The following NT5M variants were observed in gnomAD, a reference collection of about 807,000 sequenced individuals.
The protein encoded by NT5M is 5'(3')-deoxyribonucleotidase, mitochondrial.
NT5M carries 22 observed loss-of-function variants against 22.2 expected under a neutral mutation model. The observed-to-expected ratio is 0.99, with a 90% CI of 0.71 to 1.41. The LOEUF is 1.41. Among genes scored for constraint, NT5M ranks in the 40% most tolerant of loss-of-function variants. The pLI, the probability that NT5M is intolerant of heterozygous loss-of-function variation, is 0.00. For synonymous variants in NT5M, 167 were observed against 133.0 expected (o/e 1.26, Z -1.76); for missense variants, 322 against 314.8 (o/e 1.02, Z -0.17).
intron 3 of NT5M, among the ~76,000 whole-genome samples, chr17:17,336,415 A>G (rs1208785096): frequency 1.3e-5 from 2 of 151,960 alleles, no homozygotes; most frequent in Admixed American, 1.3e-4. Context: ...CATGAGTTCA[A>G]TTGTTTTAAT....
intron 3 of NT5M, among the ~76,000 whole-genome samples, chr17:17,340,566 G>A (rs997263029): frequency 3.3e-5 from 5 of 149,796 alleles, no homozygotes; most frequent in East Asian, 2.0e-4. Flanking sequence ...TTGCTCTGTC[G>A]CCCAGGCTGG....
chr17:17,336,263 A>G (rs2049509478), intron 3 of NT5M, among the ~76,000 whole-genome samples: 1 of 151,896 alleles, frequency 6.6e-6, no homozygotes, highest in Non-Finnish European at 1.5e-5. Context: ...TGGCCTCCCA[A>G]AGTGCTGGGA....
chr17:17,320,198 G>A lies in NT5M; in HGVS notation c.369-2987G>A, dbSNP rs530217908. Among the ~76,000 whole-genome samples the A allele has an allele frequency of 1.4e-4, 22 of 152,268 alleles. No homozygotes were observed. In the South Asian group the frequency reaches 4.1e-3, roughly 29 times the overall value. ...GAATTGTACCCTTTTAATATGTGCA[G>A]TTTATTGCATGTTGATTATTATATT... On this transcript the variant is annotated intron_variant, in intron 2 of 4. Transcript: ENST00000389022.
intron 2 of NT5M, among the ~76,000 whole-genome samples, chr17:17,321,476 C>G (rs1009068344): frequency 6.6e-6 from 1 of 151,742 alleles, no homozygotes; most frequent in African/African-American, 2.4e-5. Context: ...GGTGAGTCTC[C>G]AGATCCATGA....
chr17:17,345,535 C>CTA (rs1435308153), intron 4 of NT5M, among the ~76,000 whole-genome samples: 1 of 151,726 alleles, frequency 6.6e-6, no homozygotes, highest in African/African-American at 2.4e-5. Flanking sequence ...GTGGTGCATG[C>CTA]CTGTAGTCCC....
chr17:17,334,431 C>G (rs894140194), intron 3 of NT5M, among the ~76,000 whole-genome samples: 5 of 149,170 alleles, frequency 3.4e-5, no homozygotes, highest in Admixed American at 2.7e-4. Flanking sequence ...CTTCTCTGAT[C>G]TAAGTGTCCC....
chr17:17,344,797 G>A lies in NT5M; in HGVS notation c.433G>A (p.Ala145Thr), dbSNP rs1283777142. Reference protein sequence around the residue: ...MFKYCPYEKYAWVEKYFGPDF... With the variant: ...MFKYCPYEKYTWVEKYFGPDF... ...GCCCTTGCCTGTTTGCGTCCAGTAT[G>A]CCTGGGTGGAGAAGTACTTTGGCCC... The change falls in exon 4 of 5, where the codon GCC (alanine) becomes ACC (threonine). Residue 145 changes from alanine (A) to threonine (T), a missense_variant. Transcript: ENST00000389022. 2.6e-5 allele frequency: 42 copies of A among 1,613,956 alleles called. No homozygotes were observed. Among genetic ancestry groups the A allele is most frequent in the Non-Finnish European group, 3.6e-5 (42 of 1,179,942 alleles).
At chr17:17,319,664 T>C (rs2049109798) in intron 2 of NT5M, among the ~76,000 whole-genome samples, 1 of 152,006 alleles carries the variant, frequency 6.6e-6, no homozygotes, top group Non-Finnish European at 1.5e-5. Flanking sequence ...GAAAATACTA[T>C]CCAATCTGTA....
At chr17:17,338,544 C>T (rs1368408168) in intron 3 of NT5M, among the ~76,000 whole-genome samples, 3 of 152,026 alleles carry the variant, frequency 2.0e-5, no homozygotes, top group Non-Finnish European at 2.9e-5. Flanking sequence ...ATGCCAGTAA[C>T]ATGCCATTTG....
At position 17,303,808 on chromosome 17, in the gene NT5M, A is replaced by C. The variant is rs1307393552; in HGVS notation, c.258A>C (p.Pro86=). The C allele has an allele frequency of 6.6e-7, 1 of 1,508,140 alleles. No homozygotes were observed. The highest frequency in any genetic ancestry group is 2.6e-5 in the East Asian group (1 of 37,810). The allele number at this position is 1,508,140 out of a possible 1,614,324, so 93.4% of individuals were successfully genotyped here. A position where few individuals can be genotyped will look rare whatever the true frequency, so the allele number is the denominator to read the frequency against. Reference sequence around the variant, plus strand: ...CGGAGCAGTACGGCCGCCTGCGGCCAGGGCTGAGCGTGAGCGTCCCCGCCC... The same window carrying C: ...CGGAGCAGTACGGCCGCCTGCGGCCCGGGCTGAGCGTGAGCGTCCCCGCCC... ...WVSEQYGRLR[P]GLSEKAISIW... is the part of the protein sequence containing the mutation. Residue 86 remains proline, a synonymous_variant, in exon 1 of 5, where the codon CCA becomes CCC. Transcript: ENST00000389022.
In NT5M at chr17:17,303,830, G is replaced by T. The variant is rs756062197; in HGVS notation, c.267+13G>T. 2.2e-6 allele frequency: 3 copies of T among 1,381,688 alleles called. No homozygotes were observed. The highest frequency in any genetic ancestry group is 3.1e-5 in the South Asian group (2 of 64,096). 85.6% of individuals were successfully genotyped at this position (1,381,688 alleles called of 1,614,324 possible). A position where few individuals can be genotyped will look rare whatever the true frequency, so the allele number is the denominator to read the frequency against. On this transcript the variant is annotated intron_variant, in intron 1 of 4. Coordinates refer to ENST00000389022, the MANE Select transcript of NT5M (RefSeq NM_020201.4). ...GCCAGGGCTGAGCGTGAGCGTCCCC[G>T]CCCCGCCCCGCGCCGGGCCTCCTTC...
chr17:17,329,226 C>A (rs57593626), intron 3 of NT5M, among the ~76,000 whole-genome samples: 2,964 of 152,294 alleles, frequency 0.019, 99 homozygotes, highest in African/African-American at 0.068. Flanking sequence ...GATCTGCCCG[C>A]CTCGGCCTCC....
chr17:17,317,999 A>G (rs1394584288), intron 2 of NT5M, among the ~76,000 whole-genome samples: 1 of 88,062 alleles, frequency 1.1e-5, no homozygotes, highest in Non-Finnish European at 2.9e-5. Flanking sequence ...ACATAGACTC[A>G]CTGTATGAGC....
chr17:17,314,481 C>T (rs2048983018), intron 2 of NT5M, among the ~76,000 whole-genome samples: 1 of 152,152 alleles, frequency 6.6e-6, no homozygotes, highest in African/African-American at 2.4e-5. Context: ...TTTTGAAGTG[C>T]ACCCCCCTAC....
rs2048724035 is a variant in NT5M at position 17,303,511 on chromosome 17, CCCAGGTCCCCGCGCCCACGACGGG to C, written c.-35_-12del. ...GGCCGGCTCCGGCAGCACGGCGCGG[CCCAGGTCCCCGCGCCCACGACGGG>C]CCAGCGCGCTGGGCCATGATCCGGC... On this transcript the variant is annotated 5_prime_UTR_variant, in exon 1 of 5. Transcript: ENST00000389022. 9.7e-7 allele frequency: 1 copy of C among 1,026,346 alleles called. No homozygotes were observed. Among genetic ancestry groups the C allele is most frequent in the African/African-American group, 1.7e-5 (1 of 57,854 alleles). The allele number at this position is 1,026,346 out of a possible 1,614,324, so 63.6% of individuals were successfully genotyped here.
At chr17:17,338,836 C>T (rs2049580019) in intron 3 of NT5M, among the ~76,000 whole-genome samples, 1 of 150,850 alleles carries the variant, frequency 6.6e-6, no homozygotes, top group African/African-American at 2.4e-5. Flanking sequence ...ACACCGTTCT[C>T]CTGCCTCAGC....
intron 2 of NT5M, among the ~76,000 whole-genome samples, chr17:17,315,337 C>T (rs563703846): frequency 5.3e-5 from 8 of 152,248 alleles, no homozygotes; most frequent in African/African-American, 1.9e-4. Flanking sequence ...AATAACACAC[C>T]TAAGGTCTCC....
rs1226092385 is a variant in NT5M at position 17,327,553 on chromosome 17, T to C, written c.429+4308T>C. ...TTTTGTTTGAGACAGAGTCCTGCTC[T>C]GTCACCCAAGCTGGAGTGCAGTGGT... is the stretch of plus-strand genomic sequence containing the variant. On this transcript the variant is annotated intron_variant, in intron 3 of 4. Transcript: ENST00000389022. 1.9e-5 allele frequency among the ~76,000 whole-genome samples: 2 copies of C among 105,074 alleles called. 1 individual carries two copies. The highest frequency in any genetic ancestry group is 6.6e-5 in the African/African-American group (2 of 30,262). The allele number at this position is 105,074 out of a possible 152,430, so 68.9% of individuals were successfully genotyped here.
rs2049771157 is a variant in NT5M at position 17,346,863 on chromosome 17, C to T, written c.603C>T (p.His201=). Residue 201 remains histidine (H), a synonymous_variant, in exon 5 of 5, where the codon CAC becomes CAT. Coordinates refer to ENST00000389022, the MANE Select transcript of NT5M (RefSeq NM_020201.4). ...HVLFTACHNQ[H]LQLQPPRRRL... ...TCTTCACCGCCTGCCACAACCAGCACCTGCAGCTGCAGCCCCCCCGCCGCA... is the reference window on the plus strand; with the variant it reads ...TCTTCACCGCCTGCCACAACCAGCATCTGCAGCTGCAGCCCCCCCGCCGCA... The T allele has an allele frequency of 1.9e-6, 3 of 1,608,720 alleles. No homozygotes were observed. The highest frequency in any genetic ancestry group is 2.5e-6 in the Non-Finnish European group (3 of 1,179,944).
Sources: gnomAD v4.1 joint callset for allele counts (sites outside exome capture counted in the v4.1 genomes callset) on GRCh38, gnomAD v4.1.1 for gene constraint, MANE v1.5 for transcripts, NCBI Gene and HGNC (gene_info 2026-07-23, HGNC 2026-07-21) for gene names.